Variants in KLHL13 observed in about 807,000 individuals in gnomAD.
The protein encoded by KLHL13 is kelch-like protein 13.
In KLHL13, 10 loss-of-function variants were observed where a neutral mutation model predicts 37.1. That is an observed-to-expected ratio of 0.27 (90% CI 0.17 to 0.46). The LOEUF is 0.46. Ranked by LOEUF, KLHL13 falls within the 20% of genes least tolerant of loss-of-function variation. The probability of loss-of-function intolerance (pLI) is 1.00; values close to 1 mark genes in which losing one functional copy is unlikely to be tolerated. For missense variants in KLHL13, 360 were observed against 509.3 expected (o/e 0.71, Z 2.82); for synonymous variants, 163 against 181.2 (o/e 0.90, Z 0.81).
chrX:117,930,290 A>AAGGCAGGC (rs1166028829), intron 2 of KLHL13, among the ~76,000 whole-genome samples: 33 of 77,976 alleles, frequency 4.2e-4, no homozygotes, highest in Admixed American at 6.8e-4. Flanking sequence ...GGAAGGAAGG[A>AAGGCAGGC]AGGCAGGCAG....
chrX:117,965,007 T>G (rs1296453575), intron 1 of KLHL13, among the ~76,000 whole-genome samples: 2 of 111,992 alleles, frequency 1.8e-5, no homozygotes, highest in African/African-American at 3.3e-5. Context: ...TTTGGGTTGG[T>G]TTCAAGTCTT....
intron 1 of KLHL13, among the ~76,000 whole-genome samples, chrX:118,109,192 TA>T (rs2055380194): frequency 9.0e-6 from 1 of 111,512 alleles, no homozygotes; most frequent in African/African-American, 3.3e-5. Flanking sequence ...CCACCAACAT[TA>T]AAAACTCTGT....
chrX:118,000,652 A>G, intron 1 of KLHL13, among the ~76,000 whole-genome samples: 2 of 112,137 alleles, frequency 1.8e-5, no homozygotes, highest in Admixed American at 1.9e-4. Flanking sequence ...CAAAATTCAA[A>G]CACTTGGAAA....
chrX:118,080,748 T>A (rs2054982623), intron 1 of KLHL13, among the ~76,000 whole-genome samples: 1 of 112,146 alleles, frequency 8.9e-6, no homozygotes, highest in South Asian at 3.7e-4. Flanking sequence ...GATTCAGCAA[T>A]CCCATTACTG....
chrX:117,979,662 A>G (rs758762418), intron 1 of KLHL13, among the ~76,000 whole-genome samples: 3 of 111,848 alleles, frequency 2.7e-5, no homozygotes, highest in South Asian at 3.8e-4. Context: ...TACCAAAAGC[A>G]GAGGTCAAGA....
chrX:117,941,511 A>C (rs1933031741), intron 2 of KLHL13, among the ~76,000 whole-genome samples: 1 of 111,470 alleles, frequency 9.0e-6, no homozygotes, highest in South Asian at 3.8e-4. Flanking sequence ...CCTCAATTTC[A>C]GAACTTGTTA....
At chrX:118,087,257 T>A (rs544230584) in intron 1 of KLHL13, among the ~76,000 whole-genome samples, 1 of 110,556 alleles carries the variant, frequency 9.0e-6, no homozygotes, top group East Asian at 2.9e-4. Flanking sequence ...CTTAACCACC[T>A]CTAGTAATGT....
At chrX:117,991,324 G>T (rs979590345) in intron 1 of KLHL13, among the ~76,000 whole-genome samples, 1 of 109,963 alleles carries the variant, frequency 9.1e-6, no homozygotes, top group African/African-American at 3.3e-5. Context: ...AGACAGCCAA[G>T]GAGAGAGATA....
intron 1 of KLHL13, among the ~76,000 whole-genome samples, chrX:118,019,057 G>C (rs1264449658): frequency 9.0e-6 from 1 of 110,756 alleles, no homozygotes; most frequent in Non-Finnish European, 1.9e-5. Flanking sequence ...TTTTTGTGTG[G>C]TAAGAACATC....
chrX:118,059,842 T>C (rs1040073354), intron 1 of KLHL13, among the ~76,000 whole-genome samples: 1 of 111,116 alleles, frequency 9.0e-6, no homozygotes, highest in East Asian at 2.8e-4. Flanking sequence ...GTTAAGAGCA[T>C]GGGCCCTGCA....
At chrX:117,983,651 A>G in intron 1 of KLHL13, 2 of 476,938 alleles carry the variant, frequency 4.2e-6, no homozygotes, top group South Asian at 3.7e-5. Flanking sequence ...AAATTAATAA[A>G]CCATATTTAT....
At chrX:117,977,947 G>A (rs983321497), upstream of KLHL13, among the ~76,000 whole-genome samples, 1 of 111,671 alleles carries the variant, frequency 9.0e-6, no homozygotes, top group African/African-American at 3.3e-5. Context: ...CTATATATTC[G>A]TGCATGTGTG....
At chrX:117,925,759 T>A (rs113313566) in intron 2 of KLHL13, among the ~76,000 whole-genome samples, 4 of 112,337 alleles carry the variant, frequency 3.6e-5, no homozygotes, top group African/African-American at 1.3e-4. Context: ...ACCCGTCTTA[T>A]CAGGTTGTTC....
chrX:118,019,417 A>G (rs1336753639), intron 1 of KLHL13, among the ~76,000 whole-genome samples: 1 of 109,890 alleles, frequency 9.1e-6, no homozygotes, highest in African/African-American at 3.4e-5. Context: ...AGTAGGTTGA[A>G]AAAATTTTCT....
intron 1 of KLHL13, among the ~76,000 whole-genome samples, chrX:118,099,393 G>C (rs1326349330): frequency 9.0e-6 from 1 of 111,687 alleles, no homozygotes; most frequent in Admixed American, 9.6e-5. Context: ...GTTTTCATTA[G>C]GTCCTAAAAA....
At chrX:118,074,034 C>T (rs55968218) in intron 1 of KLHL13, among the ~76,000 whole-genome samples, 2,506 of 111,987 alleles carry the variant, frequency 0.022, 38 homozygotes, top group Non-Finnish European at 0.034. Context: ...TTTCTGACTC[C>T]CTTGTCCTAT....
In KLHL13 at chrX:118,022,807, T is replaced by C. The variant is rs1318731730; in HGVS notation, c.-55-77232A>G. 3.6e-5 allele frequency among the ~76,000 whole-genome samples: 4 copies of C among 112,139 alleles called. No individual in the cohort carries two copies. In the East Asian group the frequency reaches 1.1e-3, roughly 31 times the overall value. ...GGCTGCCTTTTCGTTTTGTTTATTGTTTTCCTTCCCATGAAGAAGATTTTT... is the reference window on the plus strand; with the variant it reads ...GGCTGCCTTTTCGTTTTGTTTATTGCTTTCCTTCCCATGAAGAAGATTTTT... On this transcript the variant is annotated intron_variant, in intron 1 of 6. Transcript: ENST00000371882.
chrX:118,111,536 T>A (rs1209311766), intron 1 of KLHL13, among the ~76,000 whole-genome samples: 1 of 112,594 alleles, frequency 8.9e-6, no homozygotes, highest in African/African-American at 3.2e-5. Context: ...GGTGGGTGGA[T>A]CACCTGAGGT....
chrX:118,026,324 T>C (rs1392122609), intron 1 of KLHL13, among the ~76,000 whole-genome samples: 1 of 111,959 alleles, frequency 8.9e-6, no homozygotes, highest in Non-Finnish European at 1.9e-5. Context: ...AAAATGTGTA[T>C]TTTGAAAAAA....
Sources: gnomAD v4.1 joint callset for allele counts (sites outside exome capture counted in the v4.1 genomes callset) on GRCh38, gnomAD v4.1.1 for gene constraint, MANE v1.5 for transcripts, NCBI Gene and HGNC (gene_info 2026-07-23, HGNC 2026-07-21) for gene names.